Variants in COX5A observed in about 807,000 individuals in gnomAD.
The protein encoded by COX5A is cytochrome c oxidase subunit 5A, mitochondrial.
A neutral mutation model predicts 16.1 loss-of-function variants in COX5A; 6 were observed. The ratio of observed to expected loss-of-function variants is 0.37; its 90% CI spans 0.20 to 0.73. COX5A has a LOEUF of 0.73. Among genes scored for constraint, COX5A ranks in the 30% least tolerant of loss-of-function variants. The pLI is 0.50. For missense variants in COX5A, 159 were observed against 194.9 expected, an observed-to-expected ratio of 0.82 and a Z score of 1.10; for synonymous variants, 73 against 73.8, an observed-to-expected ratio of 0.99 and a Z score of 0.06.
chr15:74,933,437 AT>A, intron 1 of COX5A, among the ~76,000 whole-genome samples: 1 of 125,850 alleles, frequency 7.9e-6, no homozygotes, highest in Non-Finnish European at 1.6e-5. Flanking sequence ...CTATCTATCT[AT>A]CTATCTATCT....
chr15:74,936,961 C>A (rs2065393667), intron 1 of COX5A, among the ~76,000 whole-genome samples: 1 of 151,978 alleles, frequency 6.6e-6, no homozygotes, highest in Non-Finnish European at 1.5e-5. Flanking sequence ...CTTCAGCATA[C>A]CCTGAAACGA....
chr15:74,936,312 AAC>A (rs1266104650), intron 1 of COX5A, among the ~76,000 whole-genome samples: 1 of 149,700 alleles, frequency 6.7e-6, no homozygotes, highest in Non-Finnish European at 1.5e-5. Flanking sequence ...CAAACAAACA[AAC>A]AAAAAAAAAC....
At chr15:74,932,342 T>C (rs894876690) in intron 1 of COX5A, among the ~76,000 whole-genome samples, 1 of 144,756 alleles carries the variant, frequency 6.9e-6, no homozygotes, top group African/African-American at 2.6e-5. Flanking sequence ...CTTTTAGAGA[T>C]GGGGGTCTTG....
chr15:74,920,340 TA>T lies in COX5A; in HGVS notation c.*111del, dbSNP rs1479270608. On this transcript the variant is annotated 3_prime_UTR_variant, in exon 5 of 5. Coordinates refer to ENST00000322347, the MANE Select transcript of COX5A (RefSeq NM_004255.4). ...TACCATTACATGGCTTGGTACTCAATAAAGGAAAACTTGTTCAAATAAGGTA... is the reference window on the plus strand; with the variant it reads ...TACCATTACATGGCTTGGTACTCAATAAGGAAAACTTGTTCAAATAAGGTA... The T allele has an allele frequency of 4.4e-6, 3 of 685,448 alleles. No homozygotes were observed. Among genetic ancestry groups the T allele is most frequent in the Non-Finnish European group, 7.9e-6 (3 of 379,972 alleles). 42.5% of individuals were successfully genotyped at this position (685,448 alleles called of 1,614,324 possible). A position where few individuals can be genotyped will look rare whatever the true frequency, so the allele number is the denominator to read the frequency against.
chr15:74,922,242 G>A (rs1041666218), intron 4 of COX5A, among the ~76,000 whole-genome samples: 5 of 151,854 alleles, frequency 3.3e-5, no homozygotes, highest in Admixed American at 1.3e-4. Context: ...AAAATTAGCC[G>A]GGCATGGTGG....
chr15:74,925,687 C>T (rs188565532), intron 3 of COX5A, among the ~76,000 whole-genome samples: 1 of 151,098 alleles, frequency 6.6e-6, no homozygotes, highest in Admixed American at 6.6e-5. Context: ...CGTGCCCAGC[C>T]GACACAAATA....
In COX5A at chr15:74,937,982, C is replaced by G; in HGVS notation, c.33G>C (p.Val11=). The G allele has an allele frequency of 8.1e-7, 1 of 1,232,726 alleles. No homozygotes were observed. 76.4% of individuals were successfully genotyped at this position (1,232,726 alleles called of 1,614,324 possible). A position where few individuals can be genotyped will look rare whatever the true frequency, so the allele number is the denominator to read the frequency against. ...GAGGGTCGGCCCGGGTGGTTGCGGC[C>G]ACAGCGCAGCGGCGGAGAGCGGCGC... The part of the protein sequence containing the change: MLGAALRRCA[V]AATTRADPRG... The change falls in exon 1 of 5, where the codon GTG becomes GTC. Residue 11 remains valine, a synonymous_variant. Transcript: ENST00000322347.
intron 3 of COX5A, among the ~76,000 whole-genome samples, chr15:74,926,558 A>G (rs1595861488): frequency 6.6e-6 from 1 of 152,206 alleles, no homozygotes; most frequent in Non-Finnish European, 1.5e-5. Context: ...ATTGCTGAAC[A>G]AAAGTGTATC....
chr15:74,928,467 C>G (rs1566979534), intron 2 of COX5A, among the ~76,000 whole-genome samples: 2 of 152,088 alleles, frequency 1.3e-5, no homozygotes, highest in African/African-American at 4.8e-5. Context: ...TCACTGCAAG[C>G]TCTGCCTCCC....
At chr15:74,922,978 C>A (rs1215837663) in intron 4 of COX5A, among the ~76,000 whole-genome samples, 1 of 151,896 alleles carries the variant, frequency 6.6e-6, no homozygotes, top group East Asian at 1.9e-4. Context: ...TTTAAACACA[C>A]CAAAGCAAAT....
chr15:74,923,623 C>A (rs374547481), intron 4 of COX5A, 25 bp downstream of exon 4: 2 of 1,354,734 alleles, frequency 1.5e-6, no homozygotes, highest in Non-Finnish European at 2.1e-6. Flanking sequence ...TGTTTTCCTG[C>A]CTTCTTCAGT....
chr15:74,937,014 GTGATGCAGGT>G (rs2065393948), intron 1 of COX5A, among the ~76,000 whole-genome samples: 1 of 152,130 alleles, frequency 6.6e-6, no homozygotes, highest in Non-Finnish European at 1.5e-5. Context: ...ATAGTTGCCA[GTGATGCAGGT>G]TCAAAAATAA....
chr15:74,937,403 T>C (rs1344772836), intron 1 of COX5A, among the ~76,000 whole-genome samples: 3 of 152,170 alleles, frequency 2.0e-5, no homozygotes, highest in African/African-American at 7.2e-5. Flanking sequence ...CAGCAGACCC[T>C]AAAAATGATG....
At chr15:74,936,065 C>T (rs1050098374) in intron 1 of COX5A, among the ~76,000 whole-genome samples, 18 of 151,488 alleles carry the variant, frequency 1.2e-4, no homozygotes, top group African/African-American at 3.6e-4. Flanking sequence ...CTGAGGCAGA[C>T]GGATCACCTG....
intron 4 of COX5A, among the ~76,000 whole-genome samples, chr15:74,923,198 G>A (rs1015966093): frequency 2.6e-5 from 4 of 152,076 alleles, no homozygotes; most frequent in South Asian, 2.1e-4. Context: ...GGCCAAGGCA[G>A]GTGGATCATG....
At chr15:74,936,944 T>G (rs1053116623) in intron 1 of COX5A, among the ~76,000 whole-genome samples, 6 of 152,188 alleles carry the variant, frequency 3.9e-5, no homozygotes, top group Non-Finnish European at 7.3e-5. Context: ...CTTTTTTTAA[T>G]TTTTAACTTC....
chr15:74,937,602 T>G (rs2141276025), intron 1 of COX5A: 1 of 223,662 alleles, frequency 4.5e-6, no homozygotes, highest in African/African-American at 2.3e-5. Flanking sequence ...GGCCGCAGGG[T>G]CGGCGCTGGG....
At chr15:74,929,033 C>T (rs1317812154) in intron 2 of COX5A, 83 bp downstream of exon 2, 10 of 972,622 alleles carry the variant, frequency 1.0e-5, no homozygotes, top group South Asian at 5.4e-5. Flanking sequence ...CGCATGTTTT[C>T]GAAACAGTTG....
chr15:74,934,128 G>A (rs2065378536), intron 1 of COX5A, among the ~76,000 whole-genome samples: 1 of 152,104 alleles, frequency 6.6e-6, no homozygotes, highest in Non-Finnish European at 1.5e-5. Flanking sequence ...GGGGTTTGGT[G>A]GTCCCAGCTA....
Sources: allele counts gnomAD v4.1 joint callset (sites outside exome capture counted in the v4.1 genomes callset), GRCh38; gene constraint gnomAD v4.1.1; transcripts MANE v1.5; gene names NCBI Gene and HGNC (gene_info 2026-07-23, HGNC 2026-07-21).